The following NPHP4 variants were observed in gnomAD, a reference collection of about 807,000 sequenced individuals.
NPHP4 encodes nephrocystin-4.
A neutral mutation model predicts 155.8 loss-of-function variants in NPHP4; 151 were observed. The ratio of observed to expected loss-of-function variants is 0.97; its 90% CI spans 0.85 to 1.11. The LOEUF is 1.11. Among genes scored for constraint, NPHP4 ranks in the 50% least tolerant of loss-of-function variants. The pLI is 0.00. For missense variants in NPHP4, 1,956 were observed against 1,925.7 expected (o/e 1.02, Z -0.29); for synonymous variants, 845 against 816.8 (o/e 1.03, Z -0.59).
intron 13 of NPHP4, among the ~76,000 whole-genome samples, chr1:5,906,321 A>G (rs764483010): frequency 1.3e-5 from 2 of 152,208 alleles, no homozygotes; most frequent in Non-Finnish European, 2.9e-5. Context: ...ACTCCCCTCC[A>G]AGGCCGAGGC....
At chr1:5,950,383 C>T (rs78416068) in intron 7 of NPHP4, among the ~76,000 whole-genome samples, 2,808 of 152,268 alleles carry the variant, frequency 0.018, 27 homozygotes, top group Non-Finnish European at 0.027. Context: ...TGCCCAACTC[C>T]GCCTCCACCC....
intron 6 of NPHP4, among the ~76,000 whole-genome samples, chr1:5,953,655 A>G (rs915361868): frequency 2.0e-5 from 3 of 152,254 alleles, no homozygotes; most frequent in South Asian, 2.1e-4. Context: ...GGTCCCATCC[A>G]GAGGACAGTG....
intron 6 of NPHP4, among the ~76,000 whole-genome samples, chr1:5,957,063 G>A (rs1649377116): frequency 6.6e-6 from 1 of 152,158 alleles, no homozygotes; most frequent in Non-Finnish European, 1.5e-5. Flanking sequence ...AGCAACCACG[G>A]CAGACATGAA....
At chr1:5,947,017 T>C (rs191973834) in intron 9 of NPHP4, 87 bp downstream of exon 9, 162 of 1,393,442 alleles carry the variant, frequency 1.2e-4, no homozygotes, top group Non-Finnish European at 3.0e-5. Flanking sequence ...CTGTTTTTAA[T>C]GGAAAAAGCA....
chr1:5,894,343 A>C (rs1644288633), intron 16 of NPHP4, among the ~76,000 whole-genome samples: 1 of 152,124 alleles, frequency 6.6e-6, no homozygotes, highest in Non-Finnish European at 1.5e-5. Context: ...AGCCCCAGCT[A>C]CTCATGAGAC....
rs575521985 is a variant in NPHP4, at chr1:5,890,797, A to T, written c.2304+71T>A. The stretch of plus-strand genomic sequence containing the variant: ...GCGCCCGCTCCTTCCAAGCAGACAG[A>T]CGCTGGAAGCGTGACTCGTCCCATG... On this transcript the variant is annotated intron_variant, in intron 17 of 29. Transcript: ENST00000378156. The surrounding 1 kb of genome is among the most constrained non-coding windows in gnomAD (Gnocchi z 4.9). 47 of 1,476,620 alleles carry T rather than the reference A, an allele frequency of 3.2e-5. No individual in the cohort carries two copies. The South Asian group carries it at 5.5e-4, about 17-fold the overall frequency. 91.5% of individuals were successfully genotyped at this position (1,476,620 alleles called of 1,614,324 possible).
At chr1:5,870,648 G>A (rs1036973294) in intron 23 of NPHP4, among the ~76,000 whole-genome samples, 1 of 152,168 alleles carries the variant, frequency 6.6e-6, no homozygotes, top group Non-Finnish European at 1.5e-5. Context: ...AAAAAGCATG[G>A]CAGATGTCAT....
intron 23 of NPHP4, among the ~76,000 whole-genome samples, chr1:5,871,049 C>T (rs529329529): frequency 1.3e-5 from 2 of 152,302 alleles, no homozygotes; most frequent in African/African-American, 4.8e-5. Context: ...TTCAAGATAA[C>T]CCAGCTCGAA....
intron 11 of NPHP4, among the ~76,000 whole-genome samples, chr1:5,917,208 C>T (rs1645520089): frequency 6.6e-6 from 1 of 152,242 alleles, no homozygotes; most frequent in South Asian, 2.1e-4. Flanking sequence ...GGTGTGTGAC[C>T]AAGGCCAACT....
At chr1:5,951,595 C>T (rs1190645102) in intron 7 of NPHP4, among the ~76,000 whole-genome samples, 2 of 152,216 alleles carry the variant, frequency 1.3e-5, no homozygotes, top group Non-Finnish European at 1.5e-5. Flanking sequence ...AGGCAATCTC[C>T]GTCCCACATG....
rs1162622063 is a variant in NPHP4 at position 5,867,888 on chromosome 1, G to C, written c.3324C>G (p.Phe1108Leu). 3 of 1,613,968 alleles carry C rather than the reference G, an allele frequency of 1.9e-6. No homozygotes were observed. In the East Asian group the frequency reaches 6.7e-5, roughly 36 times the overall value. ...AVPTKHAKVLFRASGGKPIAV... is the reference protein window; with the variant it reads ...AVPTKHAKVLLRASGGKPIAV... ...CGATGGGCTTGCCACCACTCGCTCGGAACAAGACCTGTGAGGAGGCCACGC... is the reference window on the plus strand; with the variant it reads ...CGATGGGCTTGCCACCACTCGCTCGCAACAAGACCTGTGAGGAGGCCACGC... The change falls in exon 24 of 30, where the codon TTC (phenylalanine) becomes TTG (leucine). Residue 1108 changes from phenylalanine (F) to leucine (L), a missense_variant. By Grantham distance (22) the Phe-to-Leu change is conservative. Transcript: ENST00000378156. The surrounding 1 kb of genome is among the most constrained non-coding windows in gnomAD (Gnocchi z 4.1).
Position 5,866,398 on chromosome 1 carries a change from T to C in NPHP4, c.3619A>G (p.Lys1207Glu), listed in dbSNP as rs747297799. Reference sequence around the variant, plus strand: ...GAGTAAATGATGACAAAGAAGTCTTTGATCTCCGGGCTTGGACCACTGGCC... The same window carrying C: ...GAGTAAATGATGACAAAGAAGTCTTCGATCTCCGGGCTTGGACCACTGGCC... The part of the protein sequence containing the change: ...KVASGPSPEI[K>E]DFFVIIYSDR... The change falls in exon 26 of 30, where the codon AAA becomes GAA. Residue 1207 changes from lysine (K) to glutamate (E), a missense_variant. Physicochemically the swap from Lys to Glu is moderately conservative, Grantham distance 56. Transcript: ENST00000378156. 22 of 1,609,298 alleles carry C rather than the reference T, an allele frequency of 1.4e-5. No homozygotes were observed. Among genetic ancestry groups the C allele is most frequent in the Non-Finnish European group, 1.9e-5 (22 of 1,177,498 alleles).
chr1:5,929,373 T>C (rs1418907309), intron 10 of NPHP4, among the ~76,000 whole-genome samples: 4 of 152,208 alleles, frequency 2.6e-5, no homozygotes, highest in African/African-American at 9.6e-5. Context: ...CCTTTACTTG[T>C]TCCTAATCTT....
chr1:5,901,791 C>T lies in NPHP4; in HGVS notation c.2143+2826G>A, dbSNP rs534435364. On this transcript the variant is annotated intron_variant, in intron 16 of 29. Transcript: ENST00000378156. Reference sequence around the variant, plus strand: ...GTCTTCAGCAGTGGGTACAGAGGAGCCTTGAGACAAATGCATTAGTCTGAT... The same window carrying T: ...GTCTTCAGCAGTGGGTACAGAGGAGTCTTGAGACAAATGCATTAGTCTGAT... Among the ~76,000 whole-genome samples the T allele has an allele frequency of 6.4e-4, 97 of 152,230 alleles. 2 individuals carry two copies. In the South Asian group the frequency reaches 0.02, roughly 31 times the overall value.
Position 5,867,211 on chromosome 1 carries a change from C to T in NPHP4, c.3473-96G>A, listed in dbSNP as rs1000234490. On this transcript the variant is annotated intron_variant, in intron 24 of 29. Transcript: ENST00000378156. This position sits in a 1 kb window ranked among gnomAD's most constrained non-coding sequence, Gnocchi z 4.1. ...TACACACTATAGGACAGGACAGGCT[C>T]GTCACAGGTGCTCAGCAAGACACCT... The T allele has an allele frequency of 5.5e-6, 5 of 909,882 alleles. No homozygotes were observed. Among genetic ancestry groups the T allele is most frequent in the Admixed American group, 2.3e-5 (1 of 43,714 alleles). 56.4% of individuals were successfully genotyped at this position (909,882 alleles called of 1,614,324 possible).
At chr1:5,911,984 T>C (rs938005844) in intron 11 of NPHP4, among the ~76,000 whole-genome samples, 2 of 152,236 alleles carry the variant, frequency 1.3e-5, no homozygotes, top group African/African-American at 2.4e-5. Flanking sequence ...GACAAGCACC[T>C]GGGCCAGCAA....
Position 5,907,161 on chromosome 1 carries a change from G to A in NPHP4, c.1565C>T (p.Pro522Leu). 6.3e-7 allele frequency: 1 copy of A among 1,588,978 alleles called. No homozygotes were observed. The highest frequency in any genetic ancestry group is 1.8e-5 in the Admixed American group (1 of 56,938). ...AGAGCCATGGGGTAGCTGTGAAGTAGGCCTGGCCAAGCAGTGCTGAGTCGG... is the reference window on the plus strand; with the variant it reads ...AGAGCCATGGGGTAGCTGTGAAGTAAGCCTGGCCAAGCAGTGCTGAGTCGG... ...RSPTQHCLAR[P>L]TSQLPHGSQA... Residue 522 changes from proline (P) to leucine (L), a missense_variant, in exon 13 of 30, where the codon CCT (proline) becomes CTT (leucine). By Grantham distance (98) the Pro-to-Leu change is moderately conservative (BLOSUM62 -3). Transcript: ENST00000378156.
chr1:5,974,180 T>C (rs1004899956), intron 3 of NPHP4, among the ~76,000 whole-genome samples: 3 of 152,220 alleles, frequency 2.0e-5, no homozygotes, highest in Admixed American at 6.5e-5. Context: ...AAGAGGGGCT[T>C]TCTCATGGCT....
chr1:5,939,418 T>C (rs1466454790), intron 9 of NPHP4, among the ~76,000 whole-genome samples: 1 of 152,224 alleles, frequency 6.6e-6, no homozygotes, highest in Non-Finnish European at 1.5e-5. Context: ...CTCTCCGCCC[T>C]CTGGAGCAAG....
Sources: gnomAD v4.1 joint callset for allele counts (sites outside exome capture counted in the v4.1 genomes callset) on GRCh38, gnomAD v4.1.1 for gene constraint, Gnocchi (gnomAD v3.1) non-coding constraint, MANE v1.5 for transcripts, NCBI Gene and HGNC (gene_info 2026-07-23, HGNC 2026-07-21) for gene names.